EZH2: variants seen among roughly 807,000 people sequenced by gnomAD.
EZH2 encodes enhancer of zeste 2 polycomb repressive complex 2 subunit, also known as histone-lysine N-methyltransferase EZH2.
EZH2 carries 18 observed loss-of-function variants against 98.4 expected under a neutral mutation model. The observed-to-expected ratio is 0.18, with a 90% CI of 0.13 to 0.27. The LOEUF is 0.27. Among genes scored for constraint, EZH2 ranks in the 10% least tolerant of loss-of-function variants. The probability of loss-of-function intolerance (pLI) is 1.00; values close to 1 mark genes in which losing one functional copy is unlikely to be tolerated. For synonymous variants in EZH2, 338 were observed against 312.3 expected (o/e 1.08, Z -0.87); for missense variants, 470 against 935.1 (o/e 0.50, Z 6.49).
At chr7:148,864,024 T>C (rs1325286762) in intron 1 of EZH2, among the ~76,000 whole-genome samples, 2 of 152,190 alleles carry the variant, frequency 1.3e-5, no homozygotes, top group Non-Finnish European at 2.9e-5. Flanking sequence ...AAGAACATAT[T>C]TGTAGTCCTG....
At position 148,826,491 on chromosome 7, in the gene EZH2, A is replaced by G. The variant is rs1292623076; in HGVS notation, c.870T>C (p.Phe290=). 6.2e-7 allele frequency: 1 copy of G among 1,600,084 alleles called. No homozygotes were observed. Among genetic ancestry groups the G allele is most frequent in the East Asian group, 2.2e-5 (1 of 44,726 alleles). The part of the protein sequence containing the change: ...SFHTLFCRRC[F]KYDCFLHRKC... ...TACGATGTAGGAAGCAGTCATATTT[A>G]AAACATCGCCTACAGAAAAGCGTAT... The change falls in exon 8 of 20, where the codon TTT becomes TTC. Residue 290 remains phenylalanine (F), a synonymous_variant. Coordinates refer to ENST00000320356, the MANE Select transcript of EZH2 (RefSeq NM_004456.5).
At chr7:148,830,302 C>T (rs1808980961) in intron 4 of EZH2, among the ~76,000 whole-genome samples, 1 of 152,168 alleles carries the variant, frequency 6.6e-6, no homozygotes, top group Non-Finnish European at 1.5e-5. Context: ...TAACAGGTGT[C>T]TGACACCATG....
intron 1 of EZH2, among the ~76,000 whole-genome samples, chr7:148,879,750 T>C (rs1267343246): frequency 1.3e-5 from 2 of 151,950 alleles, no homozygotes; most frequent in Non-Finnish European, 2.9e-5. Context: ...CGCACGCTTG[T>C]AGTCCCAGCT....
chr7:148,835,478 A>C (rs1188565094), intron 3 of EZH2, among the ~76,000 whole-genome samples: 1 of 151,576 alleles, frequency 6.6e-6, no homozygotes, highest in Non-Finnish European at 1.5e-5. Context: ...CATCTCCTCC[A>C]ACAACAACTT....
At chr7:148,878,991 G>A (rs560534284) in intron 1 of EZH2, among the ~76,000 whole-genome samples, 39 of 152,138 alleles carry the variant, frequency 2.6e-4, no homozygotes, top group African/African-American at 6.7e-4. Context: ...TTGGGAGGCC[G>A]AGGCAGGCGG....
intron 1 of EZH2, among the ~76,000 whole-genome samples, chr7:148,870,473 T>C (rs1819191174): frequency 6.6e-6 from 1 of 151,932 alleles, no homozygotes; most frequent in African/African-American, 2.4e-5. Flanking sequence ...GACTCCAAGG[T>C]GGGAGATCAC....
intron 1 of EZH2, among the ~76,000 whole-genome samples, chr7:148,866,501 C>T (rs115091161): frequency 2.0e-4 from 23 of 117,354 alleles, no homozygotes; most frequent in South Asian, 1.1e-3. Flanking sequence ...AATATATATA[C>T]GTATATACAT....
intron 1 of EZH2, among the ~76,000 whole-genome samples, chr7:148,851,587 G>C (rs1815789136): frequency 6.6e-6 from 1 of 152,114 alleles, no homozygotes; most frequent in Non-Finnish European, 1.5e-5. Flanking sequence ...CAGATTCAAG[G>C]CCACGTACAG....
At chr7:148,833,274 C>T (rs181956593) in intron 3 of EZH2, among the ~76,000 whole-genome samples, 1 of 151,670 alleles carries the variant, frequency 6.6e-6, no homozygotes, top group African/African-American at 2.4e-5. Context: ...CTGGCTAACA[C>T]GGTGAAACCC....
At chr7:148,821,852 A>G (rs750461549) in intron 8 of EZH2, among the ~76,000 whole-genome samples, 9 of 152,180 alleles carry the variant, frequency 5.9e-5, no homozygotes, top group Non-Finnish European at 8.8e-5. Context: ...GTATGTATAT[A>G]TATCTCTCTC....
intron 1 of EZH2, among the ~76,000 whole-genome samples, chr7:148,864,931 A>G (rs946967742): frequency 6.6e-6 from 1 of 152,114 alleles, no homozygotes; most frequent in Non-Finnish European, 1.5e-5. Context: ...GTTGGAGATC[A>G]GCCTGGCCAA....
intron 1 of EZH2, among the ~76,000 whole-genome samples, chr7:148,856,815 G>C (rs1816900928): frequency 6.6e-6 from 1 of 152,182 alleles, no homozygotes; most frequent in Admixed American, 6.5e-5. Context: ...ATAAATAAGT[G>C]ATTAAATAAA....
At chr7:148,869,074 G>C (rs1818947110) in intron 1 of EZH2, among the ~76,000 whole-genome samples, 1 of 152,056 alleles carries the variant, frequency 6.6e-6, no homozygotes, top group African/African-American at 2.4e-5. Context: ...AAGCTTTTAG[G>C]TGCTATTATG....
intron 1 of EZH2, among the ~76,000 whole-genome samples, chr7:148,879,694 AAATAAAT>A (rs777067997): frequency 1.6e-4 from 24 of 152,232 alleles, no homozygotes; most frequent in South Asian, 2.1e-4. Context: ...CATCTCAAAA[AAATAAAT>A]AATAAATAAT....
At chr7:148,814,538 C>G (rs1039255956) in intron 14 of EZH2, among the ~76,000 whole-genome samples, 3 of 152,200 alleles carry the variant, frequency 2.0e-5, no homozygotes, top group South Asian at 2.1e-4. Flanking sequence ...TTCCTTTAAT[C>G]TGAAGACTAA....
intron 4 of EZH2, among the ~76,000 whole-genome samples, chr7:148,830,345 G>A (rs983220504): frequency 3.3e-5 from 5 of 152,190 alleles, no homozygotes; most frequent in South Asian, 2.1e-4. Context: ...CAGTTTTAAC[G>A]CGCACTTTAG....
intron 9 of EZH2, among the ~76,000 whole-genome samples, chr7:148,819,321 A>G (rs1291581380): frequency 1.3e-5 from 2 of 152,332 alleles, no homozygotes; most frequent in Middle Eastern, 6.8e-3. Flanking sequence ...ACTCTCATAG[A>G]CTTTGTGGAA....
intron 1 of EZH2, among the ~76,000 whole-genome samples, chr7:148,864,581 T>C (rs1818160031): frequency 6.7e-6 from 1 of 149,856 alleles, no homozygotes; most frequent in Non-Finnish European, 1.5e-5. Flanking sequence ...CTCTGGAGGC[T>C]GAGGTGGGAG....
At chr7:148,851,413 T>A (rs2129486457) in intron 1 of EZH2, among the ~76,000 whole-genome samples, 1 of 152,236 alleles carries the variant, frequency 6.6e-6, no homozygotes, top group East Asian at 1.9e-4. Flanking sequence ...GAAATATACA[T>A]GCAAACACAC....
Sources: allele counts gnomAD v4.1 joint callset (sites outside exome capture counted in the v4.1 genomes callset), GRCh38; gene constraint gnomAD v4.1.1; transcripts MANE v1.5; gene names NCBI Gene and HGNC (gene_info 2026-07-23, HGNC 2026-07-21).